The following HCK variants were observed in gnomAD, a reference collection of about 807,000 sequenced individuals.
HCK encodes the protein HCK proto-oncogene, Src family tyrosine kinase, also known as tyrosine-protein kinase HCK.
HCK carries 40 observed loss-of-function variants against 70.4 expected under a neutral mutation model. The observed-to-expected ratio is 0.57, with a 90% CI of 0.44 to 0.74. HCK has a LOEUF of 0.74. HCK is among the 30% of genes least tolerant of loss of function. HCK has a pLI of 0.00. For missense variants in HCK, 568 were observed against 697.2 expected (o/e 0.81, Z 2.09); for synonymous variants, 245 against 263.2 (o/e 0.93, Z 0.67).
At position 32,101,536 on chromosome 20, in the gene HCK, AG is replaced by A; in HGVS notation, c.*20del. Reference sequence around the variant, plus strand: ...CAGCCATGATAGGGAGGACCAGGGCAGGGCCAGGGGGTGCCCAGGTGGTGGC... The same window carrying A: ...CAGCCATGATAGGGAGGACCAGGGCAGGCCAGGGGGTGCCCAGGTGGTGGC... On this transcript the variant is annotated 3_prime_UTR_variant, in exon 13 of 13. Transcript: ENST00000375852. The A allele has an allele frequency of 6.2e-7, 1 of 1,604,460 alleles. No homozygotes were observed. The highest frequency in any genetic ancestry group is 2.2e-5 in the East Asian group (1 of 44,654).
rs2046036636 is a variant in HCK at position 32,101,591 on chromosome 20, G to A, written c.*72G>A. The stretch of plus-strand genomic sequence containing the variant: ...AAGGTGGCTCCAGCACCATCCGCCA[G>A]GGCCCACACCCCCTTCCTACTCCCA... On this transcript the variant is annotated 3_prime_UTR_variant, in exon 13 of 13. Transcript: ENST00000375852. The A allele has an allele frequency of 2.3e-6, 3 of 1,291,848 alleles. No individual in the cohort carries two copies. The highest frequency in any genetic ancestry group is 2.2e-6 in the Non-Finnish European group (2 of 920,346). 80.0% of individuals were successfully genotyped at this position (1,291,848 alleles called of 1,614,324 possible). A position where few individuals can be genotyped will look rare whatever the true frequency, so the allele number is the denominator to read the frequency against.
chr20:32,092,920 C>G (rs747054128), intron 10 of HCK, among the ~76,000 whole-genome samples: 2 of 152,054 alleles, frequency 1.3e-5, no homozygotes, highest in Non-Finnish European at 2.9e-5. Context: ...AAGCTCTCTA[C>G]AGGTCATATT....
chr20:32,073,414 G>T (rs747886135), intron 3 of HCK, 53 bp downstream of exon 3: 143 of 1,453,136 alleles, frequency 9.8e-5, no homozygotes, highest in Non-Finnish European at 1.3e-4. Flanking sequence ...AGAGGACTCC[G>T]CTAGGTTCTC....
intron 1 of HCK, among the ~76,000 whole-genome samples, chr20:32,053,378 C>T (rs991271724): frequency 1.3e-5 from 2 of 151,974 alleles, no homozygotes; most frequent in African/African-American, 4.8e-5. Context: ...TGGCACACGC[C>T]TGTAATCTCA....
chr20:32,069,688 A>T (rs890021666), intron 1 of HCK: 1 of 771,472 alleles, frequency 1.3e-6, no homozygotes, highest in Non-Finnish European at 1.9e-6. Context: ...TTTCCAAAAG[A>T]CAAACAAAGC....
At position 32,101,101 on chromosome 20, in the gene HCK, C is replaced by A. The variant is rs1021551062; in HGVS notation, c.1379-216C>A. On this transcript the variant is annotated intron_variant, in intron 12 of 12. Transcript: ENST00000375852. ...ACCTTTCCATCACTTTCCCAGCAGA[C>A]CTCCCCATCAGCTCCCATTGGCCCA... Among the ~76,000 whole-genome samples the A allele has an allele frequency of 7.9e-5, 12 of 152,352 alleles. 1 individual carries two copies. The highest frequency in any genetic ancestry group is 6.8e-3 in the Middle Eastern group (2 of 294).
chr20:32,054,390 G>A, intron 1 of HCK: 2 of 431,300 alleles, frequency 4.6e-6, no homozygotes, highest in East Asian at 1.5e-4. Flanking sequence ...CAGGAGAATC[G>A]CTTGAACCCG....
intron 1 of HCK, among the ~76,000 whole-genome samples, chr20:32,052,761 G>T (rs1030615077): frequency 2.0e-5 from 3 of 149,706 alleles, no homozygotes; most frequent in Non-Finnish European, 4.4e-5. Flanking sequence ...CACTTCTCTG[G>T]GCCGTCCAGG....
chr20:32,077,065 C>A (rs574324237), intron 5 of HCK, among the ~76,000 whole-genome samples: 1 of 152,230 alleles, frequency 6.6e-6, no homozygotes, highest in East Asian at 1.9e-4. Context: ...GCCTGGACAA[C>A]AGAGCGAGAC....
chr20:32,101,603 C>G lies in HCK; in HGVS notation c.*84C>G, dbSNP rs894333536. On this transcript the variant is annotated 3_prime_UTR_variant, in exon 13 of 13. Coordinates refer to ENST00000375852, the MANE Select transcript of HCK (RefSeq NM_002110.5). ...GCACCATCCGCCAGGGCCCACACCC[C>G]CTTCCTACTCCCAGACACCCACCCT... 15 of 1,125,044 alleles carry G rather than the reference C, an allele frequency of 1.3e-5. No homozygotes were observed. The highest frequency in any genetic ancestry group is 2.5e-5 in the East Asian group (1 of 39,690). The allele number at this position is 1,125,044 out of a possible 1,614,324, so 69.7% of individuals were successfully genotyped here. A position where few individuals can be genotyped will look rare whatever the true frequency, so the allele number is the denominator to read the frequency against.
chr20:32,082,467 C>T (rs1395298857), intron 6 of HCK, among the ~76,000 whole-genome samples: 1 of 151,980 alleles, frequency 6.6e-6, no homozygotes, highest in African/African-American at 2.4e-5. Context: ...CATGGTGAAA[C>T]TCCATCTCTA....
intron 10 of HCK, among the ~76,000 whole-genome samples, chr20:32,090,980 G>A (rs925263863): frequency 6.6e-6 from 1 of 152,198 alleles, no homozygotes; most frequent in Non-Finnish European, 1.5e-5. Context: ...AGCCCTTGAT[G>A]TAGGCTTAGG....
At position 32,069,083 on chromosome 20, in the gene HCK, C is replaced by T. The variant is rs553919503; in HGVS notation, c.63-2579C>T. Among the ~76,000 whole-genome samples, 68 of 152,282 alleles carry T rather than the reference C, an allele frequency of 4.5e-4. 1 individual carries two copies. Among genetic ancestry groups the T allele is most frequent in the Middle Eastern group, 3.4e-3 (1 of 294 alleles). On this transcript the variant is annotated intron_variant, in intron 1 of 12. Transcript: ENST00000375852. ...TGCAAACTGTGCTTGCTTCATGATC[C>T]GGGGCAGTGTCACGTCTGCCAGTAA... is the stretch of plus-strand genomic sequence containing the variant.
chr20:32,099,406 G>A (rs1157323456), intron 12 of HCK, among the ~76,000 whole-genome samples: 4 of 136,774 alleles, frequency 2.9e-5, no homozygotes, highest in African/African-American at 1.1e-4. Flanking sequence ...CACCCAGGCT[G>A]GAGTGCAGTG....
intron 5 of HCK, among the ~76,000 whole-genome samples, chr20:32,077,726 A>T (rs2045647304): frequency 6.6e-6 from 1 of 152,196 alleles, no homozygotes; most frequent in East Asian, 1.9e-4. Flanking sequence ...GGGTTTCTCC[A>T]TGTTGGTCAG....
chr20:32,083,074 T>G (rs1449455352), intron 6 of HCK, among the ~76,000 whole-genome samples: 2 of 152,112 alleles, frequency 1.3e-5, no homozygotes, highest in Non-Finnish European at 2.9e-5. Flanking sequence ...TTTTCTTGCC[T>G]TTTTTAGTTT....
intron 10 of HCK, among the ~76,000 whole-genome samples, chr20:32,089,710 T>G (rs1227368126): frequency 6.6e-6 from 1 of 152,204 alleles, no homozygotes; most frequent in Non-Finnish European, 1.5e-5. Flanking sequence ...ATGCTCTCTC[T>G]GATGTCTGGG....
At chr20:32,099,684 C>G (rs1035131025) in intron 12 of HCK, among the ~76,000 whole-genome samples, 3 of 151,944 alleles carry the variant, frequency 2.0e-5, no homozygotes, top group African/African-American at 4.8e-5. Context: ...TGAGCAGTCA[C>G]AGGGTTTTGG....
At chr20:32,087,443 C>T (rs1344843667) in intron 9 of HCK, among the ~76,000 whole-genome samples, 2 of 151,996 alleles carry the variant, frequency 1.3e-5, no homozygotes, top group Non-Finnish European at 2.9e-5. Flanking sequence ...CATGCCACCA[C>T]ACTCAGCTAA....
Sources: allele counts gnomAD v4.1 joint callset (sites outside exome capture counted in the v4.1 genomes callset), GRCh38; gene constraint gnomAD v4.1.1; transcripts MANE v1.5; gene names NCBI Gene and HGNC (gene_info 2026-07-23, HGNC 2026-07-21).